Variants in EMID1 observed in about 807,000 individuals in gnomAD.
EMID1 encodes the protein EMI domain-containing protein 1.
Under a neutral mutation model 60.6 loss-of-function variants are expected in EMID1, and 40 were observed. The ratio of observed to expected loss-of-function variants is 0.66; its 90% CI spans 0.51 to 0.86. EMID1 has a LOEUF of 0.86. EMID1 is among the 40% of genes least tolerant of loss of function. EMID1 has a pLI of 0.00. For missense variants in EMID1, 585 were observed against 597.1 expected (o/e 0.98, Z 0.21); for synonymous variants, 242 against 231.0 (o/e 1.05, Z -0.43).
intron 14 of EMID1, among the ~76,000 whole-genome samples, chr22:29,258,400 C>T (rs151057798): frequency 7.4e-4 from 113 of 152,286 alleles, no homozygotes; most frequent in African/African-American, 2.6e-3. Context: ...AAGCTCTTTC[C>T]CCCAACTGGT....
At chr22:29,224,850 C>G (rs1175994592) in intron 3 of EMID1, among the ~76,000 whole-genome samples, 1 of 152,226 alleles carries the variant, frequency 6.6e-6, no homozygotes, top group African/African-American at 2.4e-5. Flanking sequence ...GAGCGCTAAC[C>G]TCTTAGCCCA....
At chr22:29,223,356 C>T (rs1460389132) in intron 3 of EMID1, among the ~76,000 whole-genome samples, 1 of 152,230 alleles carries the variant, frequency 6.6e-6, no homozygotes, top group African/African-American at 2.4e-5. Flanking sequence ...GAAGCTTCAT[C>T]ACAGAGGAAA....
chr22:29,240,269 T>C (rs1184325142), intron 12 of EMID1, among the ~76,000 whole-genome samples: 1 of 152,172 alleles, frequency 6.6e-6, no homozygotes, highest in Non-Finnish European at 1.5e-5. Flanking sequence ...TTCCCTTCTT[T>C]CATGTGGAAA....
chr22:29,232,546 G>A lies in EMID1; in HGVS notation c.823+144G>A, dbSNP rs950140689. 7 of 948,838 alleles carry A rather than the reference G, an allele frequency of 7.4e-6. No individual in the cohort carries two copies. In the African/African-American group the frequency reaches 1.0e-4, roughly 14 times the overall value. 58.8% of individuals were successfully genotyped at this position (948,838 alleles called of 1,614,324 possible). A position where few individuals can be genotyped will look rare whatever the true frequency, so the allele number is the denominator to read the frequency against. On this transcript the variant is annotated intron_variant, in intron 8 of 14. Transcript: ENST00000334018. Reference sequence around the variant, plus strand: ...GTGACCCAGTCCTCCAGCAGGCGCCGTTGTCCTCCTGTGGTTACAGGTGAG... The same window carrying A: ...GTGACCCAGTCCTCCAGCAGGCGCCATTGTCCTCCTGTGGTTACAGGTGAG...
chr22:29,233,237 C>T, intron 8 of EMID1, 142 bp from the exon 9 acceptor site: 1 of 818,646 alleles, frequency 1.2e-6, no homozygotes, highest in Middle Eastern at 2.3e-4. Flanking sequence ...ACTCCTCACC[C>T]TGGAGCAGGT....
intron 12 of EMID1, 103 bp from the exon 13 acceptor site, chr22:29,243,342 A>C: frequency 1.2e-5 from 14 of 1,133,922 alleles, no homozygotes; most frequent in African/African-American, 1.5e-5. Flanking sequence ...CTGTTTCTCT[A>C]AGTTTCTCTC....
intron 13 of EMID1, among the ~76,000 whole-genome samples, chr22:29,246,352 G>A (rs567465323): frequency 3.3e-5 from 5 of 152,296 alleles, no homozygotes; most frequent in Admixed American, 1.3e-4. Context: ...AGAGTGATGC[G>A]GTCAGGTTTT....
chr22:29,258,313 T>C (rs1350520052), intron 14 of EMID1, among the ~76,000 whole-genome samples: 4 of 152,098 alleles, frequency 2.6e-5, no homozygotes, highest in African/African-American at 9.7e-5. Flanking sequence ...GTTTCAGAGA[T>C]GAGATGACTG....
At chr22:29,226,462 C>T in intron 4 of EMID1, 28 bp from the exon 5 acceptor site, 1 of 1,609,766 alleles carries the variant, frequency 6.2e-7, no homozygotes, top group Non-Finnish European at 8.5e-7. Context: ...ACCCTTGGCC[C>T]TGGCCCCAGC....
intron 14 of EMID1, chr22:29,255,252 C>A: frequency 7.5e-7 from 1 of 1,332,186 alleles, no homozygotes; most frequent in Non-Finnish European, 9.9e-7. Flanking sequence ...ACCGTCTGCT[C>A]TTCTCCATCT....
intron 1 of EMID1, among the ~76,000 whole-genome samples, chr22:29,209,738 G>A (rs1274999472): frequency 6.6e-6 from 1 of 152,210 alleles, no homozygotes; most frequent in East Asian, 1.9e-4. Flanking sequence ...ATGAATAAGA[G>A]TTGGCTGGAG....
At chr22:29,225,984 G>T (rs2040493886) in intron 4 of EMID1, among the ~76,000 whole-genome samples, 1 of 152,152 alleles carries the variant, frequency 6.6e-6, no homozygotes, top group Non-Finnish European at 1.5e-5. Flanking sequence ...ACTGCGCTGG[G>T]TGGGTCCCCA....
At chr22:29,224,235 C>A (rs775445291) in intron 3 of EMID1, among the ~76,000 whole-genome samples, 1 of 152,232 alleles carries the variant, frequency 6.6e-6, no homozygotes, top group African/African-American at 2.4e-5. Context: ...CAACCCACAG[C>A]CCCGCTCCGA....
intron 1 of EMID1, among the ~76,000 whole-genome samples, chr22:29,208,925 C>T (rs1202405567): frequency 1.3e-5 from 2 of 152,316 alleles, no homozygotes; most frequent in Admixed American, 6.5e-5. Flanking sequence ...TCTGCTGTCC[C>T]CATTTGCAGA....
At chr22:29,245,189 G>A (rs147554254) in intron 13 of EMID1, among the ~76,000 whole-genome samples, 150 of 152,166 alleles carry the variant, frequency 9.9e-4, no homozygotes, top group African/African-American at 3.1e-3. Flanking sequence ...CCCATCCTCC[G>A]TAGCTCCAGA....
chr22:29,216,518 C>G (rs1458315749), intron 3 of EMID1: 8 of 985,352 alleles, frequency 8.1e-6, no homozygotes, highest in Non-Finnish European at 8.4e-6. Context: ...GCCCCCACAG[C>G]AGCACATGAA....
intron 13 of EMID1, 121 bp from the exon 14 acceptor site, chr22:29,254,082 C>A: frequency 6.4e-7 from 1 of 1,567,838 alleles, no homozygotes; most frequent in Admixed American, 1.7e-5. Context: ...GGACCCTGGG[C>A]TGTGGCAGGT....
chr22:29,226,554 G>T lies in EMID1; in HGVS notation c.465+3G>T. On this transcript the variant is annotated splice_donor_region_variant and intron_variant, in intron 5 of 14. Coordinates refer to ENST00000334018, the MANE Select transcript of EMID1 (RefSeq NM_133455.4). ...GGCTGAAGGTGCTGGAGGCCAAGGT[G>T]GGTGAGCAGCTCCCTCCTGGGTGGT... The T allele has an allele frequency of 6.2e-7, 1 of 1,611,412 alleles. No individual in the cohort carries two copies.
intron 4 of EMID1, among the ~76,000 whole-genome samples, chr22:29,225,423 G>A (rs1186024850): frequency 1.3e-5 from 2 of 152,212 alleles, no homozygotes; most frequent in African/African-American, 2.4e-5. Context: ...TCTGACCTGG[G>A]CCCAGACACC....
Sources: allele counts gnomAD v4.1 joint callset (sites outside exome capture counted in the v4.1 genomes callset), GRCh38; gene constraint gnomAD v4.1.1; transcripts MANE v1.5; gene names NCBI Gene and HGNC (gene_info 2026-07-23, HGNC 2026-07-21).